HIVEP3: variants seen among roughly 807,000 people sequenced by gnomAD.
The protein encoded by HIVEP3 is HIVEP zinc finger 3, also known as transcription factor HIVEP3.
A neutral mutation model predicts 152.8 loss-of-function variants in HIVEP3; 49 were observed. The observed-to-expected ratio is 0.32, with a 90% CI of 0.26 to 0.41. The LOEUF is 0.41. Ranked by LOEUF, HIVEP3 falls within the 10% of genes least tolerant of loss-of-function variation. The pLI, the probability that HIVEP3 is intolerant of heterozygous loss-of-function variation, is 1.00. For missense variants in HIVEP3, 2,790 were observed against 3,103.3 expected (o/e 0.90, Z 2.40); for synonymous variants, 1,269 against 1,289.0 (o/e 0.98, Z 0.33).
intron 5 of HIVEP3, among the ~76,000 whole-genome samples, chr1:41,565,164 A>G (rs1049949439): frequency 1.3e-5 from 2 of 152,244 alleles, no homozygotes; most frequent in Non-Finnish European, 2.9e-5. Context: ...GAAAGTAATC[A>G]TGGTTTACTT....
rs1452211626 is a variant in HIVEP3, at chr1:42,019,444, A to C, written n.119+16363T>G. Among the ~76,000 whole-genome samples, 7 of 152,078 alleles carry C rather than the reference A, an allele frequency of 4.6e-5. No homozygotes were observed. The East Asian group carries it at 9.7e-4, about 21-fold the overall frequency. ...TATGTCTTCTTGTTTTCAATGTAGA[A>C]ATCTTACATCTCTGTCACATTTATT... On this transcript the variant is annotated intron_variant and non_coding_transcript_variant, in intron 1 of 3. Coordinates refer to the HIVEP3 transcript ENST00000489103.
At chr1:41,795,054 G>C (rs1448989292) in intron 1 of HIVEP3, among the ~76,000 whole-genome samples, 1 of 152,152 alleles carries the variant, frequency 6.6e-6, no homozygotes, top group Non-Finnish European at 1.5e-5. Flanking sequence ...ACCACGCCCA[G>C]GTAAACTAAG....
At chr1:42,035,391 C>G (rs1389758184) in intron 1 of HIVEP3, among the ~76,000 whole-genome samples, 1 of 152,240 alleles carries the variant, frequency 6.6e-6, no homozygotes, top group East Asian at 1.9e-4. Flanking sequence ...GTCTCCGTCT[C>G]CCCGCATCTC....
In HIVEP3 at chr1:41,580,135, C is replaced by A. The variant is rs772446687; in HGVS notation, c.4663G>T (p.Asp1555Tyr). 6.2e-7 allele frequency: 1 copy of A among 1,614,020 alleles called. No homozygotes were observed. The highest frequency in any genetic ancestry group is 1.1e-5 in the South Asian group (1 of 91,046). The change falls in exon 4 of 9, where the codon GAT becomes TAT. Residue 1555 changes from aspartate (D) to tyrosine (Y), a missense_variant. Asp to Tyr is a radical substitution (Grantham distance 160). Around this residue, in one of 9 missense-constraint regions of HIVEP3, gnomAD observed 1,078 missense variants for 1,165.3 expected, o/e 0.93. Transcript: ENST00000372583. ...GLTPLSVKKE[D>Y]SKEQPDLPSL... ...GGGAGATCAGGTTGTTCCTTGGAAT[C>A]TTCTTTCTTCACGCTCAGTGGGGTC...
intron 1 of HIVEP3, among the ~76,000 whole-genome samples, chr1:41,878,265 G>A (rs765453363): frequency 3.3e-5 from 5 of 152,146 alleles, no homozygotes; most frequent in African/African-American, 1.2e-4. Context: ...AGCAATTTGC[G>A]AAACTTTGCT....
intron 1 of HIVEP3, among the ~76,000 whole-genome samples, chr1:42,019,392 A>G (rs2986732): frequency 0.057 from 8,634 of 152,048 alleles, 845 homozygotes; most frequent in African/African-American, 0.2. Context: ...CTTTCCATCT[A>G]CTTAAGTTTT....
chr1:41,555,198 A>G (rs546367982), intron 5 of HIVEP3, among the ~76,000 whole-genome samples: 20 of 152,248 alleles, frequency 1.3e-4, no homozygotes, highest in African/African-American at 4.8e-4. Flanking sequence ...AAGCCTCAGC[A>G]ATGGTGGATG....
chr1:41,647,170 C>A (rs1213337314), intron 2 of HIVEP3, among the ~76,000 whole-genome samples: 1 of 152,234 alleles, frequency 6.6e-6, no homozygotes, highest in Non-Finnish European at 1.5e-5. Context: ...CCTTCCCTCC[C>A]CTTTGCCCTG....
chr1:41,825,054 C>T (rs1642756365), intron 1 of HIVEP3, among the ~76,000 whole-genome samples: 1 of 151,950 alleles, frequency 6.6e-6, no homozygotes, highest in Non-Finnish European at 1.5e-5. Context: ...CCTGACCAGG[C>T]TTAGTGTGAG....
At chr1:41,576,360 T>G (rs1035363649) in intron 4 of HIVEP3, among the ~76,000 whole-genome samples, 6 of 152,338 alleles carry the variant, frequency 3.9e-5, no homozygotes, top group Middle Eastern at 3.4e-3. Context: ...CCACGCTCTT[T>G]ACAGAGCCAC....
At chr1:41,920,504 G>A (rs1644932726), upstream of HIVEP3, among the ~76,000 whole-genome samples, 1 of 151,794 alleles carries the variant, frequency 6.6e-6, no homozygotes, top group Admixed American at 6.6e-5. Flanking sequence ...TAAATTTGGA[G>A]AACTTGTTTT....
At chr1:41,857,983 ATC>A (rs56967197) in intron 1 of HIVEP3, among the ~76,000 whole-genome samples, 5 of 148,548 alleles carry the variant, frequency 3.4e-5, no homozygotes, top group South Asian at 2.2e-4. Flanking sequence ...CAATCAATCA[ATC>A]TCTCTCTCTC....
chr1:41,852,770 G>C (rs1402299178), intron 1 of HIVEP3, among the ~76,000 whole-genome samples: 10 of 152,180 alleles, frequency 6.6e-5, no homozygotes, highest in Non-Finnish European at 8.8e-5. Flanking sequence ...CTCCCAAACT[G>C]TTTCCACTCT....
intron 1 of HIVEP3, among the ~76,000 whole-genome samples, chr1:41,944,604 C>T (rs182547372): frequency 1.9e-3 from 286 of 152,260 alleles, no homozygotes; most frequent in African/African-American, 6.7e-3. Context: ...ATGTTGGACA[C>T]ACTGGTAAAG....
At chr1:41,906,569 CTT>C (rs983390361) in intron 1 of HIVEP3, among the ~76,000 whole-genome samples, 5 of 152,126 alleles carry the variant, frequency 3.3e-5, no homozygotes, top group African/African-American at 1.2e-4. Context: ...CATGAAGAAA[CTT>C]TACGGGATGA....
intron 5 of HIVEP3, among the ~76,000 whole-genome samples, chr1:41,554,339 G>C (rs925886822): frequency 1.3e-5 from 2 of 152,106 alleles, no homozygotes; most frequent in Non-Finnish European, 2.9e-5. Context: ...AGCTCCAACA[G>C]GTCATTTAAG....
At chr1:41,530,953 G>A (rs1004276186) in intron 5 of HIVEP3, among the ~76,000 whole-genome samples, 48 of 152,374 alleles carry the variant, frequency 3.2e-4, no homozygotes, top group African/African-American at 1.1e-3. Context: ...GTCACATCAG[G>A]GAGGGAGTGT....
chr1:41,510,342 T>C lies in HIVEP3; in HGVS notation c.*109A>G, dbSNP rs1644430944. ...CAACAGATGGGGCCGTGAGAGCTCC[T>C]GGACGGAGGGACAGATGGGGCTGAG... On this transcript the variant is annotated 3_prime_UTR_variant, in exon 9 of 9. Coordinates refer to ENST00000372583, the MANE Select transcript of HIVEP3 (RefSeq NM_024503.5). 2.0e-6 allele frequency: 2 copies of C among 998,938 alleles called. No homozygotes were observed. The highest frequency in any genetic ancestry group is 2.7e-6 in the Non-Finnish European group (2 of 730,692). The allele number at this position is 998,938 out of a possible 1,614,324, so 61.9% of individuals were successfully genotyped here. A position where few individuals can be genotyped will look rare whatever the true frequency, so the allele number is the denominator to read the frequency against.
Position 41,583,950 on chromosome 1 carries a change from T to G in HIVEP3, c.848A>C (p.Asp283Ala). Residue 283 changes from aspartate (D) to alanine (A), a missense_variant, in exon 4 of 9, where the codon GAT (aspartate) becomes GCT (alanine). Physicochemically the swap from Asp to Ala is moderately radical, Grantham distance 126. Around this residue, in one of 9 missense-constraint regions of HIVEP3, gnomAD observed 125 missense variants for 130.1 expected, o/e 0.96. Transcript: ENST00000372583. The surrounding 1 kb of genome is among the most constrained non-coding windows in gnomAD (Gnocchi z 6.9). ...GGTGGCACTAGTCTCCTCTTCAGAA[T>G]CTGTGCTTTCTCCCTCAGTGGGCTC... ...FEEPTEGEST[D>A]SEEETSATSG... 1 of 1,614,134 alleles carries G rather than the reference T, an allele frequency of 6.2e-7. No individual in the cohort carries two copies. Among genetic ancestry groups the G allele is most frequent in the Non-Finnish European group, 8.5e-7 (1 of 1,180,002 alleles).
Sources: gnomAD v4.1 joint callset for allele counts (sites outside exome capture counted in the v4.1 genomes callset) on GRCh38, gnomAD v4.1.1 for gene constraint, gnomAD v4.1.1 regional missense constraint, Gnocchi (gnomAD v3.1) non-coding constraint, MANE v1.5 for transcripts, NCBI Gene and HGNC (gene_info 2026-07-23, HGNC 2026-07-21) for gene names.